Variants in SH3D19 observed in about 807,000 individuals in gnomAD.
SH3D19 encodes SH3 domain-containing protein 19.
In SH3D19, 58 loss-of-function variants were observed where a neutral mutation model predicts 112.1. The ratio of observed to expected loss-of-function variants is 0.52; its 90% CI spans 0.42 to 0.64. The LOEUF (loss-of-function observed/expected upper bound fraction) is 0.64. Ranked by LOEUF, SH3D19 falls within the 30% of genes least tolerant of loss-of-function variation. The pLI is 0.00. For synonymous variants in SH3D19, 391 were observed against 448.5 expected, an observed-to-expected ratio of 0.87 and a Z score of 1.62; for missense variants, 1,090 against 1,263.4, an observed-to-expected ratio of 0.86 and a Z score of 2.08.
At chr4:151,161,002 T>C (rs969882746) in intron 8 of SH3D19, among the ~76,000 whole-genome samples, 1 of 152,202 alleles carries the variant, frequency 6.6e-6, no homozygotes, top group African/African-American at 2.4e-5. Flanking sequence ...AGTATAATAC[T>C]GTCGTGACAA....
chr4:151,301,311 TC>T (rs1338803454), intron 1 of SH3D19, among the ~76,000 whole-genome samples: 58 of 152,230 alleles, frequency 3.8e-4, no homozygotes, highest in Non-Finnish European at 1.2e-4. Context: ...CACCACAACC[TC>T]CACCTCCCAG....
At chr4:151,255,899 G>C (rs1771862436) in intron 1 of SH3D19, among the ~76,000 whole-genome samples, 1 of 152,158 alleles carries the variant, frequency 6.6e-6, no homozygotes, top group East Asian at 1.9e-4. Context: ...GCCTGCAATC[G>C]CAGGCATTCG....
chr4:151,156,806 A>G (rs115983694), intron 9 of SH3D19, among the ~76,000 whole-genome samples: 9 of 152,346 alleles, frequency 5.9e-5, no homozygotes, highest in African/African-American at 2.2e-4. Context: ...GTAAAAATAA[A>G]CAAATGGGCT....
chr4:151,241,720 C>G (rs1770574281), intron 1 of SH3D19, among the ~76,000 whole-genome samples: 1 of 151,618 alleles, frequency 6.6e-6, no homozygotes, highest in Non-Finnish European at 1.5e-5. Flanking sequence ...AATGGGTGAA[C>G]TCTATGGTAT....
At chr4:151,295,531 A>G (rs994597831) in intron 1 of SH3D19, among the ~76,000 whole-genome samples, 11 of 152,234 alleles carry the variant, frequency 7.2e-5, no homozygotes, top group Non-Finnish European at 1.2e-4. Flanking sequence ...TTCGGAATTC[A>G]TCACCAAAAC....
At chr4:151,179,075 C>T (rs1358850069) in intron 4 of SH3D19, among the ~76,000 whole-genome samples, 2 of 152,192 alleles carry the variant, frequency 1.3e-5, no homozygotes, top group African/African-American at 4.8e-5. Context: ...TTCTCTGAAG[C>T]AGTTACAATG....
intron 1 of SH3D19, among the ~76,000 whole-genome samples, chr4:151,306,754 A>G (rs1311672290): frequency 6.6e-6 from 1 of 152,224 alleles, no homozygotes; most frequent in Non-Finnish European, 1.5e-5. Flanking sequence ...ACGCGCTGTA[A>G]TTAAGGTTTA....
intron 4 of SH3D19, among the ~76,000 whole-genome samples, chr4:151,178,243 C>T (rs80235664): frequency 6.6e-6 from 1 of 152,316 alleles, no homozygotes; most frequent in African/African-American, 2.4e-5. Flanking sequence ...TAACAAACAG[C>T]AACTGTGTGA....
chr4:151,294,868 T>G (rs1410008008), intron 1 of SH3D19, among the ~76,000 whole-genome samples: 1 of 152,066 alleles, frequency 6.6e-6, no homozygotes, highest in African/African-American at 2.4e-5. Context: ...GGATGGGAAA[T>G]CCCACCTTAG....
At chr4:151,265,890 A>G (rs1477357106) in intron 1 of SH3D19, among the ~76,000 whole-genome samples, 1 of 151,920 alleles carries the variant, frequency 6.6e-6, no homozygotes, top group African/African-American at 2.4e-5. Flanking sequence ...TGGCCCCCTT[A>G]TACTTATTAC....
chr4:151,209,180 C>A (rs72723765), intron 2 of SH3D19, among the ~76,000 whole-genome samples: 407 of 152,228 alleles, frequency 2.7e-3, no homozygotes, highest in Non-Finnish European at 4.0e-3. Flanking sequence ...GGGATTCTAA[C>A]CCCGTCAGCC....
chr4:151,135,421 A>ATTTTTTTTTTTTTTTTTTTTTTTTTTTT (rs34291277), intron 14 of SH3D19, among the ~76,000 whole-genome samples: 1 of 87,464 alleles, frequency 1.1e-5, no homozygotes, highest in Non-Finnish European at 2.0e-5. Context: ...TCTCTATCTC[A>ATTTTTTTTTTTTTTTTTTTTTTTTTTTT]TTTTTTTTTT....
intron 19 of SH3D19, among the ~76,000 whole-genome samples, chr4:151,122,538 C>CACACAT (rs5862949): frequency 2.6e-5 from 4 of 151,496 alleles, no homozygotes; most frequent in Non-Finnish European, 5.9e-5. Flanking sequence ...CACACACACA[C>CACACAT]GATTATTTAT....
At chr4:151,232,441 G>C (rs1344332617) in intron 1 of SH3D19, among the ~76,000 whole-genome samples, 1 of 152,076 alleles carries the variant, frequency 6.6e-6, no homozygotes, top group Non-Finnish European at 1.5e-5. Flanking sequence ...GACATTCTTA[G>C]CACCCTGTCT....
intron 1 of SH3D19, among the ~76,000 whole-genome samples, chr4:151,226,817 G>T (rs192955382): frequency 4.1e-4 from 63 of 152,296 alleles, no homozygotes; most frequent in Non-Finnish European, 7.9e-4. Context: ...TAAGAGCACA[G>T]ATGCTTGAAC....
chr4:151,247,719 A>T (rs1771042796), intron 1 of SH3D19, among the ~76,000 whole-genome samples: 1 of 152,190 alleles, frequency 6.6e-6, no homozygotes, highest in African/African-American at 2.4e-5. Context: ...ACTTTAATGT[A>T]TATAAACAGA....
intron 2 of SH3D19, among the ~76,000 whole-genome samples, chr4:151,224,206 G>A (rs1291467395): frequency 2.0e-5 from 3 of 152,152 alleles, no homozygotes; most frequent in African/African-American, 7.2e-5. Flanking sequence ...CTACTCGGGA[G>A]GCTGAGGCAG....
At chr4:151,179,300 A>G (rs1263398881) in intron 4 of SH3D19, 55 bp downstream of exon 4, 1 of 1,016,064 alleles carries the variant, frequency 9.8e-7, no homozygotes, top group Non-Finnish European at 1.3e-6. Context: ...CTGATAACAC[A>G]CTTTTACTCA....
At chr4:151,224,180 G>T (rs1303687610) in intron 2 of SH3D19, among the ~76,000 whole-genome samples, 2 of 152,134 alleles carry the variant, frequency 1.3e-5, no homozygotes, top group African/African-American at 4.8e-5. Flanking sequence ...ATGGTGGCGG[G>T]CACCTGTAGT....
Sources: allele counts gnomAD v4.1 joint callset (sites outside exome capture counted in the v4.1 genomes callset), GRCh38; gene constraint gnomAD v4.1.1; transcripts MANE v1.5; gene names NCBI Gene and HGNC (gene_info 2026-07-23, HGNC 2026-07-21).